The following DPP6 variants were observed in gnomAD, a reference collection of about 807,000 sequenced individuals.
The protein encoded by DPP6 is A-type potassium channel modulatory protein DPP6.
In DPP6, 69 loss-of-function variants were observed where a neutral mutation model predicts 122.6. That is an observed-to-expected ratio of 0.56 (90% CI 0.46 to 0.69). The LOEUF is 0.69. Ranked by LOEUF, DPP6 falls within the 30% of genes least tolerant of loss-of-function variation. DPP6 has a pLI of 0.00. For synonymous variants in DPP6, 418 were observed against 433.1 expected, an observed-to-expected ratio of 0.97 and a Z score of 0.43; for missense variants, 928 against 1,116.9, an observed-to-expected ratio of 0.83 and a Z score of 2.41.
chr7:154,384,414 C>T (rs550396796), intron 1 of DPP6, among the ~76,000 whole-genome samples: 34 of 152,242 alleles, frequency 2.2e-4, no homozygotes, highest in African/African-American at 7.9e-4. Flanking sequence ...CTTGGGCAGA[C>T]ACTTGAATGA....
chr7:153,968,177 T>A (rs1195658860), intron 1 of DPP6, among the ~76,000 whole-genome samples: 1 of 150,142 alleles, frequency 6.7e-6, no homozygotes, highest in Non-Finnish European at 1.5e-5. Flanking sequence ...TGACAGTGTG[T>A]GAGCTTTGCT....
At chr7:154,479,346 T>C (rs1395810996) in intron 3 of DPP6, among the ~76,000 whole-genome samples, 1 of 151,940 alleles carries the variant, frequency 6.6e-6, no homozygotes, top group Non-Finnish European at 1.5e-5. Flanking sequence ...TCATTTGAGG[T>C]AAGGAGTTCG....
intron 1 of DPP6, among the ~76,000 whole-genome samples, chr7:153,983,642 C>T (rs2129038930): frequency 6.6e-6 from 1 of 151,744 alleles, no homozygotes; most frequent in Admixed American, 6.6e-5. Flanking sequence ...AATGGCCACC[C>T]AGTTTTGTGC....
At chr7:154,018,426 C>T (rs1798535614) in intron 1 of DPP6, among the ~76,000 whole-genome samples, 1 of 152,192 alleles carries the variant, frequency 6.6e-6, no homozygotes, top group Non-Finnish European at 1.5e-5. Context: ...TTCATCCACT[C>T]TGCAACTAGT....
At chr7:154,855,413 G>A (rs914989487) in intron 17 of DPP6, among the ~76,000 whole-genome samples, 2 of 152,206 alleles carry the variant, frequency 1.3e-5, no homozygotes, top group Non-Finnish European at 2.9e-5. Flanking sequence ...GAGAAGAAGC[G>A]GGATGGCCTT....
At chr7:153,965,105 C>T (rs1005122692) in intron 1 of DPP6, among the ~76,000 whole-genome samples, 1 of 149,508 alleles carries the variant, frequency 6.7e-6, no homozygotes, top group African/African-American at 2.5e-5. Flanking sequence ...TATTAGTTTC[C>T]TCATACAATA....
At chr7:153,955,423 CATT>C (rs1410152997) in intron 1 of DPP6, among the ~76,000 whole-genome samples, 4 of 151,932 alleles carry the variant, frequency 2.6e-5, no homozygotes, top group African/African-American at 9.7e-5. Context: ...TTAGAATAGG[CATT>C]ATTGTTGTTA....
chr7:153,753,910 C>T, the DPP6 span, among the ~76,000 whole-genome samples: 7 of 152,118 alleles, frequency 4.6e-5, no homozygotes, highest in African/African-American at 7.2e-5. Context: ...TGAGGAACAT[C>T]GTATTCTACC....
At chr7:154,424,811 T>C (rs1171003872) in intron 1 of DPP6, among the ~76,000 whole-genome samples, 1 of 152,206 alleles carries the variant, frequency 6.6e-6, no homozygotes, top group East Asian at 1.9e-4. Flanking sequence ...CTCCTGACAC[T>C]TAAATGCTTC....
chr7:154,660,610 T>C (rs1411892060), intron 6 of DPP6, among the ~76,000 whole-genome samples: 2 of 136,966 alleles, frequency 1.5e-5, no homozygotes, highest in Non-Finnish European at 3.1e-5. Context: ...TGAATCACCA[T>C]GGCATATTGG....
chr7:154,065,375 C>T (rs1163004237), intron 1 of DPP6, among the ~76,000 whole-genome samples: 7 of 146,542 alleles, frequency 4.8e-5, no homozygotes. Flanking sequence ...GCAGGGACAC[C>T]TCCCATCACT....
At chr7:153,811,819 C>A in the DPP6 span, among the ~76,000 whole-genome samples, 2 of 152,154 alleles carry the variant, frequency 1.3e-5, no homozygotes, top group Non-Finnish European at 2.9e-5. Context: ...TGTCCCCAGG[C>A]TAAGATTCTT....
At chr7:154,479,597 G>T (rs908131351) in intron 3 of DPP6, among the ~76,000 whole-genome samples, 34 of 141,584 alleles carry the variant, frequency 2.4e-4, no homozygotes, top group African/African-American at 7.7e-4. Flanking sequence ...AAAAGAAAAG[G>T]CTCACTCTGG....
At chr7:154,597,829 T>A (rs1833193564) in intron 5 of DPP6, among the ~76,000 whole-genome samples, 1 of 152,134 alleles carries the variant, frequency 6.6e-6, no homozygotes, top group Non-Finnish European at 1.5e-5. Flanking sequence ...CAATCTTTGG[T>A]GTTCCCAGGT....
At chr7:154,058,474 G>A (rs1451879352) in intron 1 of DPP6, 2 of 124,046 alleles carry the variant, frequency 1.6e-5, no homozygotes, top group African/African-American at 6.4e-5. Context: ...TACCCCCATC[G>A]TAGGGGGGGG....
intron 2 of DPP6, among the ~76,000 whole-genome samples, chr7:154,455,510 G>T (rs538297187): frequency 6.6e-6 from 1 of 152,188 alleles, no homozygotes; most frequent in Non-Finnish European, 1.5e-5. Context: ...TCCAAAAGGA[G>T]GGAGTTCTGA....
At chr7:154,379,336 C>G (rs1813395169) in intron 1 of DPP6, among the ~76,000 whole-genome samples, 1 of 151,908 alleles carries the variant, frequency 6.6e-6, no homozygotes, top group African/African-American at 2.4e-5. Context: ...GGGCAGGGAA[C>G]ATCACACACC....
chr7:154,641,851 G>A (rs556444336), intron 6 of DPP6, among the ~76,000 whole-genome samples: 9 of 152,220 alleles, frequency 5.9e-5, no homozygotes, highest in African/African-American at 1.9e-4. Flanking sequence ...AAACTGCTGG[G>A]TGTTCAAAGG....
chr7:154,407,585 G>A (rs139334630), intron 1 of DPP6, among the ~76,000 whole-genome samples: 3 of 152,210 alleles, frequency 2.0e-5, no homozygotes, highest in African/African-American at 4.8e-5. Context: ...TGTTTGGTTT[G>A]GTTGGCCCTT....
Sources: gnomAD v4.1 joint callset for allele counts (sites outside exome capture counted in the v4.1 genomes callset) on GRCh38, gnomAD v4.1.1 for gene constraint, MANE v1.5 for transcripts, NCBI Gene and HGNC (gene_info 2026-07-23, HGNC 2026-07-21) for gene names.